The following AK8 variants were observed in gnomAD, a reference collection of about 807,000 sequenced individuals.
The protein encoded by AK8 is adenylate kinase 8.
Under a neutral mutation model 54.6 loss-of-function variants are expected in AK8, and 44 were observed. The ratio of observed to expected loss-of-function variants is 0.81; its 90% CI spans 0.63 to 1.04. The LOEUF (loss-of-function observed/expected upper bound fraction) is 1.04. AK8 is among the 50% of genes least tolerant of loss of function. The probability of loss-of-function intolerance (pLI) is 0.00; values close to 1 mark genes in which losing one functional copy is unlikely to be tolerated. For missense variants in AK8, 555 were observed against 613.6 expected (o/e 0.90, Z 1.01); for synonymous variants, 239 against 245.6 (o/e 0.97, Z 0.25).
intron 5 of AK8, among the ~76,000 whole-genome samples, chr9:132,841,582 A>G (rs1842549177): frequency 1.3e-5 from 2 of 152,232 alleles, no homozygotes; most frequent in East Asian, 1.9e-4. Flanking sequence ...CTGACCTGCC[A>G]GTCAGGTAGC....
intron 11 of AK8, among the ~76,000 whole-genome samples, chr9:132,729,545 AG>A (rs1460386578): frequency 1.3e-5 from 2 of 152,248 alleles, no homozygotes; most frequent in Non-Finnish European, 2.9e-5. Context: ...AATAACTTCT[AG>A]AACATTCCAT....
At chr9:132,856,701 C>T (rs557014531) in intron 4 of AK8, among the ~76,000 whole-genome samples, 2 of 152,160 alleles carry the variant, frequency 1.3e-5, no homozygotes, top group Non-Finnish European at 2.9e-5. Context: ...GGGGCATGAA[C>T]CCCTGCTTTC....
At position 132,785,197 on chromosome 9, in the gene AK8, C is replaced by T. The variant is rs561334696; in HGVS notation, c.1121+7437G>A. ...TCGGCTCACTGCAACCTCTGCCTCCCGGGTTCAAGCAGTTCCCTGCCTCAG... is the reference window on the plus strand; with the variant it reads ...TCGGCTCACTGCAACCTCTGCCTCCTGGGTTCAAGCAGTTCCCTGCCTCAG... On this transcript the variant is annotated intron_variant, in intron 11 of 12. Transcript: ENST00000298545. Among the ~76,000 whole-genome samples the T allele has an allele frequency of 7.2e-5, 11 of 151,900 alleles. No homozygotes were observed. The South Asian group carries it at 1.7e-3, about 23-fold the overall frequency.
chr9:132,877,934 G>C (rs1424680798), intron 1 of AK8: 1 of 986,692 alleles, frequency 1.0e-6, no homozygotes, highest in East Asian at 2.7e-5. Flanking sequence ...ATCCCGGCTC[G>C]AGTGGCCCCC....
chr9:132,820,577 C>T (rs1047925425), intron 9 of AK8, among the ~76,000 whole-genome samples: 9 of 152,232 alleles, frequency 5.9e-5, no homozygotes, highest in Non-Finnish European at 8.8e-5. Context: ...GCAGAATAAA[C>T]TCCTAGGAGT....
At chr9:132,838,026 C>T (rs1163319611) in intron 5 of AK8, among the ~76,000 whole-genome samples, 5 of 152,208 alleles carry the variant, frequency 3.3e-5, no homozygotes. Flanking sequence ...CATCTATAAA[C>T]CCGTGAGTGT....
In AK8 at chr9:132,747,590, C is replaced by T. The variant is rs191703137; in HGVS notation, c.1122-20056G>A. Among the ~76,000 whole-genome samples, 204 of 150,688 alleles carry T rather than the reference C, an allele frequency of 1.4e-3. 3 individuals are homozygous for T. The highest frequency in any genetic ancestry group is 4.8e-3 in the African/African-American group (196 of 41,210). On this transcript the variant is annotated intron_variant, in intron 11 of 12. Transcript: ENST00000298545. Reference sequence around the variant, plus strand: ...AACCTGTAGCTGGGATTACACCATGCCTGGCTAATTTTTTGTATTTTGTAG... The same window carrying T: ...AACCTGTAGCTGGGATTACACCATGTCTGGCTAATTTTTTGTATTTTGTAG...
chr9:132,791,209 TACATG>T lies in AK8; in HGVS notation c.1121+1420_1121+1424del, dbSNP rs1204142748. 2.6e-5 allele frequency among the ~76,000 whole-genome samples: 4 copies of T among 152,112 alleles called. No homozygotes were observed. Among genetic ancestry groups the T allele is most frequent in the African/African-American group, 9.7e-5 (4 of 41,406 alleles). On this transcript the variant is annotated intron_variant, in intron 11 of 12. Transcript: ENST00000298545. This position sits in a 1 kb window ranked among gnomAD's most constrained non-coding sequence, Gnocchi z 4.0. ...GGTAAAGGGGAAGCAAGGCACATCT[TACATG>T]GCAGCAGGAGAGAGACAGAGAGAGA...
chr9:132,759,564 A>G (rs1045852536), intron 11 of AK8, among the ~76,000 whole-genome samples: 6 of 152,220 alleles, frequency 3.9e-5, no homozygotes, highest in Non-Finnish European at 8.8e-5. Context: ...AAGGTTTTAC[A>G]GTTTTGTCTT....
upstream of AK8, chr9:132,878,838 A>T: frequency 8.7e-6 from 8 of 923,962 alleles, no homozygotes; most frequent in Non-Finnish European, 1.0e-5. This position sits in a 1 kb window ranked among gnomAD's most constrained non-coding sequence, Gnocchi z 4.7. Flanking sequence ...TTGCTATGGC[A>T]CCGGCGGTAA....
intron 11 of AK8, among the ~76,000 whole-genome samples, chr9:132,745,252 T>G (rs1837587013): frequency 6.6e-6 from 1 of 152,114 alleles, no homozygotes; most frequent in South Asian, 2.1e-4. Context: ...AAGGAAGTGT[T>G]AGTTGATTTG....
At chr9:132,735,099 C>T (rs1837034707) in intron 11 of AK8, among the ~76,000 whole-genome samples, 1 of 152,186 alleles carries the variant, frequency 6.6e-6, no homozygotes, top group African/African-American at 2.4e-5. Flanking sequence ...CACCACTGCC[C>T]TGATTCAATC....
intron 9 of AK8, among the ~76,000 whole-genome samples, chr9:132,815,711 T>A (rs926744044): frequency 2.6e-5 from 4 of 152,072 alleles, no homozygotes; most frequent in Admixed American, 6.5e-5. Flanking sequence ...ACAAAGGAGG[T>A]GCTGGGCAAC....
At chr9:132,861,837 G>A (rs993136976) in intron 4 of AK8, among the ~76,000 whole-genome samples, 1 of 152,188 alleles carries the variant, frequency 6.6e-6, no homozygotes, top group African/African-American at 2.4e-5. Flanking sequence ...GTGCCCACTC[G>A]CTCTTCAGAA....
chr9:132,824,078 G>C (rs1016585416), intron 8 of AK8, among the ~76,000 whole-genome samples: 1 of 151,964 alleles, frequency 6.6e-6, no homozygotes. Flanking sequence ...CCTGCACCAT[G>C]GGGGGCACCG....
chr9:132,774,126 G>A (rs1839101929), intron 11 of AK8, among the ~76,000 whole-genome samples: 1 of 152,128 alleles, frequency 6.6e-6, no homozygotes, highest in South Asian at 2.1e-4. Context: ...GATGCATGAA[G>A]CCTTGCCCTA....
chr9:132,765,818 A>G (rs570232129), intron 11 of AK8, among the ~76,000 whole-genome samples: 1 of 152,340 alleles, frequency 6.6e-6, no homozygotes, highest in East Asian at 1.9e-4. Context: ...TATTCAATAC[A>G]TTACTGTAAG....
chr9:132,740,075 G>A (rs781242616), intron 11 of AK8, among the ~76,000 whole-genome samples: 3 of 152,192 alleles, frequency 2.0e-5, no homozygotes, highest in Non-Finnish European at 2.9e-5. Flanking sequence ...CCTTAAATGC[G>A]GAAGAGAAGT....
intron 2 of AK8, 143 bp downstream of exon 2, chr9:132,874,972 C>G: frequency 9.4e-7 from 1 of 1,068,920 alleles, no homozygotes; most frequent in Non-Finnish European, 1.4e-6. Context: ...ACAGGTAGGA[C>G]AGAATGGTGC....
Sources: allele counts gnomAD v4.1 joint callset (sites outside exome capture counted in the v4.1 genomes callset), GRCh38; gene constraint gnomAD v4.1.1; non-coding constraint Gnocchi (gnomAD v3.1); transcripts MANE v1.5; gene names NCBI Gene and HGNC (gene_info 2026-07-23, HGNC 2026-07-21).